HMCN1: variants seen among roughly 807,000 people sequenced by gnomAD.
The protein encoded by HMCN1 is hemicentin-1.
HMCN1 carries 321 observed loss-of-function variants against 625.9 expected under a neutral mutation model. The ratio of observed to expected loss-of-function variants is 0.51; its 90% CI spans 0.47 to 0.56. The LOEUF is 0.56. Ranked by LOEUF, HMCN1 falls within the 20% of genes least tolerant of loss-of-function variation. The pLI is 0.00. For synonymous variants in HMCN1, 2,425 were observed against 2,417.6 expected, an observed-to-expected ratio of 1.00 and a Z score of -0.09; for missense variants, 6,588 against 6,887.3, an observed-to-expected ratio of 0.96 and a Z score of 1.54.
chr1:186,120,832 CAT>C (rs1476150467), intron 80 of HMCN1, among the ~76,000 whole-genome samples: 2 of 152,212 alleles, frequency 1.3e-5, no homozygotes, highest in Non-Finnish European at 2.9e-5. Flanking sequence ...ACATTACAGA[CAT>C]GATCCTTCTC....
rs779163454 is a variant in HMCN1, at chr1:186,053,012, T to C, written c.6638T>C (p.Leu2213Pro). 4 of 1,608,786 alleles carry C rather than the reference T, an allele frequency of 2.5e-6. No homozygotes were observed. The highest frequency in any genetic ancestry group is 3.4e-6 in the Non-Finnish European group (4 of 1,175,738). ...LTQLTVIEGN[L>P]ISLLCESSGI... is the part of the protein sequence containing the mutation. The stretch of plus-strand genomic sequence containing the variant: ...CAACTTACAGTCATTGAAGGGAATC[T>C]CATTAGTCTGTTGTGTGAATCAAGT... Residue 2213 changes from leucine (L) to proline (P), a missense_variant, in exon 43 of 107, where the codon CTC becomes CCC. By Grantham distance (98) the Leu-to-Pro change is moderately conservative. Transcript: ENST00000271588.
intron 98 of HMCN1, 151 bp downstream of exon 98, chr1:186,165,324 T>G: frequency 3.9e-6 from 3 of 766,490 alleles, no homozygotes; most frequent in Non-Finnish European, 2.2e-6. Flanking sequence ...AATTGAGATG[T>G]AGAAAAGTCA....
chr1:185,856,154 C>T (rs548258380), intron 2 of HMCN1, among the ~76,000 whole-genome samples: 2 of 152,248 alleles, frequency 1.3e-5, no homozygotes, highest in South Asian at 4.2e-4. Flanking sequence ...AAGAATTGCA[C>T]AACTGTATTT....
At chr1:185,787,750 G>A (rs554220969) in intron 1 of HMCN1, among the ~76,000 whole-genome samples, 7 of 152,182 alleles carry the variant, frequency 4.6e-5, no homozygotes, top group East Asian at 1.9e-4. Context: ...ACTAACATCC[G>A]TTGTGTAATT....
At chr1:185,830,985 T>C (rs2102289076) in intron 1 of HMCN1, among the ~76,000 whole-genome samples, 1 of 152,328 alleles carries the variant, frequency 6.6e-6, no homozygotes, top group South Asian at 2.1e-4. Context: ...GATGATTTTA[T>C]AAGGGAATTG....
chr1:186,049,480 GA>G (rs1197925806), intron 42 of HMCN1, among the ~76,000 whole-genome samples: 3 of 151,624 alleles, frequency 2.0e-5, no homozygotes, highest in Admixed American at 6.6e-5. Context: ...TAACCAGGGA[GA>G]AAAGTTATTC....
At chr1:186,116,695 T>C (rs1377301703) in intron 75 of HMCN1, among the ~76,000 whole-genome samples, 1 of 152,180 alleles carries the variant, frequency 6.6e-6, no homozygotes, top group African/African-American at 2.4e-5. Context: ...GTATTTCTCC[T>C]AGGAGAGCCA....
intron 1 of HMCN1, among the ~76,000 whole-genome samples, chr1:185,782,670 T>C (rs1657221130): frequency 6.6e-6 from 1 of 152,232 alleles, no homozygotes; most frequent in Admixed American, 6.5e-5. Flanking sequence ...TGTTGAATAT[T>C]GGCCCCACTC....
At position 186,137,642 on chromosome 1, in the gene HMCN1, G is replaced by A. The variant is rs773199953; in HGVS notation, c.13727G>A (p.Arg4576Gln). The change falls in exon 88 of 107, where the codon CGA (arginine) becomes CAA (glutamine). Residue 4576 changes from arginine to glutamine, a missense_variant. Arg to Gln is a conservative substitution (Grantham distance 43). Around this residue, in one of 3 missense-constraint regions of HMCN1, gnomAD observed 1,954 missense variants for 2,013.1 expected, o/e 0.97. Coordinates refer to ENST00000271588, the MANE Select transcript of HMCN1 (RefSeq NM_031935.3). ...TGCCAAGGTTCAGATTTGGAAATGC[G>A]AAACTGTCAAAATAAGCCTTGTCCA... ...KPCQGSDLEMRNCQNKPCPVD... is the reference protein window; with the variant it reads ...KPCQGSDLEMQNCQNKPCPVD... 1.6e-5 allele frequency: 26 copies of A among 1,613,862 alleles called. No individual in the cohort carries two copies. The highest frequency in any genetic ancestry group is 7.7e-5 in the South Asian group (7 of 91,076).
At chr1:186,035,121 G>A (rs1655733383) in intron 36 of HMCN1, among the ~76,000 whole-genome samples, 1 of 152,118 alleles carries the variant, frequency 6.6e-6, no homozygotes, top group Non-Finnish European at 1.5e-5. Context: ...TTTCCAGTTG[G>A]AAAAGTTAGA....
intron 1 of HMCN1, among the ~76,000 whole-genome samples, chr1:185,742,255 G>A (rs780044730): frequency 2.5e-4 from 38 of 152,216 alleles, no homozygotes; most frequent in Middle Eastern, 3.4e-3. Context: ...AGAAAAATAA[G>A]CAACTATAAA....
At chr1:185,928,688 T>A (rs1241012871) in intron 10 of HMCN1, 21 bp downstream of exon 10, 1 of 1,612,322 alleles carries the variant, frequency 6.2e-7, no homozygotes, top group Admixed American at 1.7e-5. Flanking sequence ...CTAATTTCTT[T>A]GCAGTTGCCC....
At chr1:185,945,372 G>T (rs187012705) in intron 11 of HMCN1, among the ~76,000 whole-genome samples, 2 of 152,202 alleles carry the variant, frequency 1.3e-5, no homozygotes, top group Admixed American at 6.5e-5. Context: ...GCTAGAAAAG[G>T]TTAGAGCTGG....
intron 57 of HMCN1, among the ~76,000 whole-genome samples, chr1:186,084,432 A>G (rs1343314606): frequency 6.6e-6 from 1 of 152,144 alleles, no homozygotes; most frequent in Non-Finnish European, 1.5e-5. Context: ...TCACCAGTTA[A>G]TGATGTCTTG....
At chr1:186,158,936 T>C (rs1176615202) in intron 97 of HMCN1, among the ~76,000 whole-genome samples, 3 of 152,160 alleles carry the variant, frequency 2.0e-5, no homozygotes, top group African/African-American at 7.2e-5. Flanking sequence ...TTTGGTTCCA[T>C]ATGAACTTTA....
chr1:185,850,956 T>C (rs532078159), intron 2 of HMCN1, among the ~76,000 whole-genome samples: 3 of 152,296 alleles, frequency 2.0e-5, no homozygotes, highest in South Asian at 4.1e-4. Context: ...TGAATTATTC[T>C]GTCTTAAATC....
rs139048308 is a variant in HMCN1 at position 186,144,364 on chromosome 1, A to G, written c.14095+21A>G. On this transcript the variant is annotated intron_variant, in intron 90 of 106. Coordinates refer to ENST00000271588, the MANE Select transcript of HMCN1 (RefSeq NM_031935.3). ...TCCAAGTAAGAGAAATACACTGTTT[A>G]TACCTTAATAAATTAACATCTACCT... is the stretch of plus-strand genomic sequence containing the variant. The G allele has an allele frequency of 3.5e-5, 56 of 1,611,424 alleles. No individual in the cohort carries two copies. The Middle Eastern group carries it at 6.1e-4, about 18-fold the overall frequency.
intron 1 of HMCN1, among the ~76,000 whole-genome samples, chr1:185,786,452 G>T (rs1657574087): frequency 6.6e-6 from 1 of 152,106 alleles, no homozygotes; most frequent in African/African-American, 2.4e-5. Context: ...ATACATATAG[G>T]CAAAGGGAGG....
chr1:186,060,498 A>C (rs1281887321), intron 46 of HMCN1, among the ~76,000 whole-genome samples: 1 of 151,968 alleles, frequency 6.6e-6, no homozygotes, highest in Non-Finnish European at 1.5e-5. Flanking sequence ...TTTTATCTTT[A>C]AATAGAGTTC....
Sources: allele counts gnomAD v4.1 joint callset (sites outside exome capture counted in the v4.1 genomes callset), GRCh38; gene constraint gnomAD v4.1.1; regional missense constraint gnomAD v4.1.1; transcripts MANE v1.5; gene names NCBI Gene and HGNC (gene_info 2026-07-23, HGNC 2026-07-21).